The following MINDY4B variants were observed in gnomAD, a reference collection of about 807,000 sequenced individuals.
The protein encoded by MINDY4B is MINDY family member 4B, also known as inactive ubiquitin carboxyl-terminal hydrolase MINDY-4B.
Under a neutral mutation model 16.7 loss-of-function variants are expected in MINDY4B, and 25 were observed. The observed-to-expected ratio is 1.49, with a 90% CI of 1.09 to 2.09. The LOEUF is 2.09. Ranked by LOEUF, MINDY4B falls within the 30% of genes most tolerant of loss-of-function variation. The pLI, the probability that MINDY4B is intolerant of heterozygous loss-of-function variation, is 0.00. For missense variants in MINDY4B, 327 were observed against 168.4 expected, an observed-to-expected ratio of 1.94 and a Z score of -5.21; for synonymous variants, 132 against 61.9, an observed-to-expected ratio of 2.13 and a Z score of -5.32.
chr3:150,900,617 G>A (rs939446392), intron 3 of MINDY4B, among the ~76,000 whole-genome samples: 2 of 152,074 alleles, frequency 1.3e-5, no homozygotes, highest in Non-Finnish European at 1.5e-5. Context: ...CCCATATAAT[G>A]GGAATAAATC....
At chr3:150,903,163 C>T (rs1396176451) in intron 3 of MINDY4B, 86 bp downstream of exon 3, 2 of 397,438 alleles carry the variant, frequency 5.0e-6, no homozygotes, top group Non-Finnish European at 8.9e-6. Flanking sequence ...AATATACTCT[C>T]ACATGGCAGG....
chr3:150,875,491 T>C (rs1711496114), intron 10 of MINDY4B, among the ~76,000 whole-genome samples: 1 of 152,194 alleles, frequency 6.6e-6, no homozygotes, highest in African/African-American at 2.4e-5. Context: ...ACATATATGA[T>C]ATTGTTTCAC....
rs557889444 is a variant in MINDY4B, at chr3:150,903,624, T to C, written c.142-208A>G. The stretch of plus-strand genomic sequence containing the variant: ...AAGGGGTTTCTCATAAGGGTTTATA[T>C]GACTTGGAGAGGTTAAATGTAACTA... On this transcript the variant is annotated intron_variant, in intron 2 of 11. Coordinates refer to ENST00000465419, the MANE Select transcript of MINDY4B (RefSeq NM_001351281.2). Among the ~76,000 whole-genome samples the C allele has an allele frequency of 3.3e-5, 5 of 152,358 alleles. No individual in the cohort carries two copies. The South Asian group carries it at 1.0e-3, about 32-fold the overall frequency.
intron 1 of MINDY4B, 51 bp downstream of exon 1, chr3:150,905,276 C>T (rs1458093538): frequency 2.3e-5 from 9 of 398,242 alleles, no homozygotes; most frequent in African/African-American, 1.9e-4. Flanking sequence ...ATTACTTAAA[C>T]ACGGAAAATT....
At chr3:150,880,839 A>G (rs1226329051) in intron 10 of MINDY4B, among the ~76,000 whole-genome samples, 1 of 152,228 alleles carries the variant, frequency 6.6e-6, no homozygotes, top group East Asian at 1.9e-4. Flanking sequence ...TTATAGCTAT[A>G]GAATGTTAGA....
At chr3:150,872,118 G>A (rs1179514262) in intron 11 of MINDY4B, among the ~76,000 whole-genome samples, 2 of 152,174 alleles carry the variant, frequency 1.3e-5, no homozygotes, top group East Asian at 1.9e-4. Flanking sequence ...GGAATGTTAC[G>A]GGTTAATGCC....
In MINDY4B at chr3:150,871,069, C is replaced by G. The variant is rs747562010; in HGVS notation, c.1359G>C (p.Trp453Cys). The change falls in exon 12 of 12, where the codon TGG becomes TGC. Residue 453 changes from tryptophan to cysteine, a missense_variant. Coordinates refer to ENST00000465419, the MANE Select transcript of MINDY4B (RefSeq NM_001351281.2). ...RTKWSEATIN[W>C]NGTVPFF Reference sequence around the variant, plus strand: ...TTTAGAAGAAGGGAACGGTCCCATTCCAGTTGATGGTGGCCTCGCTCCACT... The same window carrying G: ...TTTAGAAGAAGGGAACGGTCCCATTGCAGTTGATGGTGGCCTCGCTCCACT... 1 of 702,930 alleles carries G rather than the reference C, an allele frequency of 1.4e-6. No individual in the cohort carries two copies. Among genetic ancestry groups the G allele is most frequent in the Non-Finnish European group, 2.6e-6 (1 of 384,866 alleles). 43.5% of individuals were successfully genotyped at this position (702,930 alleles called of 1,614,324 possible). A position where few individuals can be genotyped will look rare whatever the true frequency, so the allele number is the denominator to read the frequency against.
At chr3:150,884,660 T>C (rs1711578932) in intron 8 of MINDY4B, among the ~76,000 whole-genome samples, 1 of 152,178 alleles carries the variant, frequency 6.6e-6, no homozygotes, top group Non-Finnish European at 1.5e-5. Context: ...TGGCGGTATA[T>C]AAAAGACAAG....
rs533872779 is a variant in MINDY4B at position 150,880,746 on chromosome 3, G to T, written c.1059+2151C>A. Reference sequence around the variant, plus strand: ...CAGACAAAATACTAAAATCATTATTGCATTTTTGTGTCGTCACCACTAGAA... The same window carrying T: ...CAGACAAAATACTAAAATCATTATTTCATTTTTGTGTCGTCACCACTAGAA... On this transcript the variant is annotated intron_variant, in intron 10 of 11. Transcript: ENST00000465419. Among the ~76,000 whole-genome samples the T allele has an allele frequency of 2.0e-5, 3 of 152,196 alleles. No individual in the cohort carries two copies. The South Asian group carries it at 6.2e-4, about 32-fold the overall frequency.
intron 3 of MINDY4B, among the ~76,000 whole-genome samples, chr3:150,898,823 C>T (rs1451029266): frequency 2.0e-5 from 3 of 152,136 alleles, no homozygotes; most frequent in African/African-American, 7.2e-5. Flanking sequence ...AAGATAGAGG[C>T]CCTGAATCAT....
At chr3:150,873,484 T>A (rs1717016909) in intron 10 of MINDY4B, 117 bp from the exon 11 acceptor site, 2 of 618,742 alleles carry the variant, frequency 3.2e-6, no homozygotes, top group East Asian at 5.5e-5. Context: ...ACTTGTCGCG[T>A]GCAGGGCACT....
intron 7 of MINDY4B, 106 bp downstream of exon 7, chr3:150,890,214 C>T (rs1272187526): frequency 7.3e-6 from 3 of 408,496 alleles, no homozygotes; most frequent in Non-Finnish European, 1.3e-5. Context: ...CTCAAAATGA[C>T]CTGGTTTTCT....
chr3:150,887,224 C>T (rs896081033), intron 7 of MINDY4B, among the ~76,000 whole-genome samples: 8 of 152,162 alleles, frequency 5.3e-5, no homozygotes, highest in Admixed American at 2.0e-4. Context: ...GGGTATGGAG[C>T]GTCTACAGTG....
At chr3:150,899,328 G>C (rs1329176588) in intron 3 of MINDY4B, among the ~76,000 whole-genome samples, 1 of 152,162 alleles carries the variant, frequency 6.6e-6, no homozygotes, top group Non-Finnish European at 1.5e-5. Flanking sequence ...GCATTCTCAA[G>C]TCAGATAATT....
chr3:150,894,790 C>T lies in MINDY4B; in HGVS notation c.310-485G>A, dbSNP rs577466549. ...GCTTCCCAGAAAAATGGGAACAAGACTTTTTATAAACCAAATGTATGAAAA... is the reference window on the plus strand; with the variant it reads ...GCTTCCCAGAAAAATGGGAACAAGATTTTTTATAAACCAAATGTATGAAAA... On this transcript the variant is annotated intron_variant, in intron 3 of 11. Coordinates refer to ENST00000465419, the MANE Select transcript of MINDY4B (RefSeq NM_001351281.2). Among the ~76,000 whole-genome samples the T allele has an allele frequency of 5.3e-5, 8 of 152,170 alleles. No individual in the cohort carries two copies. In the East Asian group the frequency reaches 1.5e-3, roughly 29 times the overall value.
At chr3:150,891,931 T>C (rs1430113110) in intron 5 of MINDY4B, among the ~76,000 whole-genome samples, 2 of 152,218 alleles carry the variant, frequency 1.3e-5, no homozygotes, top group Non-Finnish European at 2.9e-5. Context: ...TAGTTACTTG[T>C]TCACATTTAT....
chr3:150,882,966 G>T lies in MINDY4B; in HGVS notation c.990C>A (p.Val330=). 1 of 702,820 alleles carries T rather than the reference G, an allele frequency of 1.4e-6. No individual in the cohort carries two copies. Among genetic ancestry groups the T allele is most frequent in the East Asian group, 2.7e-5 (1 of 37,280 alleles). The allele number at this position is 702,820 out of a possible 1,614,324, so 43.5% of individuals were successfully genotyped here. The change falls in exon 10 of 12, where the codon GTC becomes GTA. Residue 330 remains valine, a synonymous_variant. Transcript: ENST00000465419. The stretch of plus-strand genomic sequence containing the variant: ...AATAGCCAACATCACTGCGGGTCAG[G>T]ACTCCATGTAGTGTTTCCTGAGACT... The part of the protein sequence containing the change: ...EGKSQETLHG[V]LTRSDVGYLQ...
At chr3:150,876,982 G>A (rs752962108) in intron 10 of MINDY4B, among the ~76,000 whole-genome samples, 20 of 152,148 alleles carry the variant, frequency 1.3e-4, no homozygotes, top group Non-Finnish European at 2.2e-4. Flanking sequence ...AGCTGGCTGC[G>A]TTCTGCAGGA....
chr3:150,892,269 T>C (rs542590503), intron 5 of MINDY4B, among the ~76,000 whole-genome samples: 17 of 152,334 alleles, frequency 1.1e-4, no homozygotes, highest in African/African-American at 4.1e-4. Context: ...CGAGCTCCCA[T>C]GGCATCAGAC....
Sources: allele counts gnomAD v4.1 joint callset (sites outside exome capture counted in the v4.1 genomes callset), GRCh38; gene constraint gnomAD v4.1.1; transcripts MANE v1.5; gene names NCBI Gene and HGNC (gene_info 2026-07-23, HGNC 2026-07-21).